Variants in NEBL observed in about 807,000 individuals in gnomAD.
The protein encoded by NEBL is LIM and SH3 protein 2.
In NEBL, 122 loss-of-function variants were observed where a neutral mutation model predicts 140.2. That is an observed-to-expected ratio of 0.87 (90% CI 0.75 to 1.01). The LOEUF is 1.01. Among genes scored for constraint, NEBL ranks in the 50% least tolerant of loss-of-function variants. The pLI is 0.00. For missense variants in NEBL, 1,365 were observed against 1,231.3 expected (o/e 1.11, Z -1.62); for synonymous variants, 436 against 398.9 (o/e 1.09, Z -1.11).
intron 2 of NEBL, among the ~76,000 whole-genome samples, chr10:21,035,416 G>A (rs945553202): frequency 8.6e-5 from 13 of 151,562 alleles, no homozygotes; most frequent in Admixed American, 2.0e-4. Flanking sequence ...CAACTACTGT[G>A]ACCCCGACTA....
intron 2 of NEBL, among the ~76,000 whole-genome samples, chr10:20,893,565 C>CTCT (rs1312889331): frequency 2.6e-5 from 4 of 152,168 alleles, no homozygotes; most frequent in Non-Finnish European, 5.9e-5. Context: ...AGTGAAGCCA[C>CTCT]TTGACCTGAA....
chr10:21,031,890 T>C (rs1217795265), intron 2 of NEBL, among the ~76,000 whole-genome samples: 2 of 152,206 alleles, frequency 1.3e-5, no homozygotes, highest in Non-Finnish European at 2.9e-5. Context: ...TCATTGCACA[T>C]AAAAGATTCT....
chr10:20,811,978 G>C (rs1438233678), intron 24 of NEBL, among the ~76,000 whole-genome samples: 1 of 152,112 alleles, frequency 6.6e-6, no homozygotes. Flanking sequence ...GATTTCTCCT[G>C]ACTATAAGGA....
chr10:21,119,050 T>C (rs1159768612), intron 2 of NEBL, among the ~76,000 whole-genome samples: 3 of 152,190 alleles, frequency 2.0e-5, no homozygotes, highest in African/African-American at 7.2e-5. Flanking sequence ...GAGACTAAGA[T>C]GCCCAACAGC....
At chr10:21,081,093 G>A (rs1836348127) in intron 2 of NEBL, among the ~76,000 whole-genome samples, 1 of 152,088 alleles carries the variant, frequency 6.6e-6, no homozygotes, top group African/African-American at 2.4e-5. Context: ...GACCTCAAGT[G>A]ATCCACCCAC....
chr10:21,231,234 C>T (rs72798586), intron 3 of NEBL, among the ~76,000 whole-genome samples: 6,135 of 152,212 alleles, frequency 0.04, 192 homozygotes, highest in South Asian at 0.14. Flanking sequence ...GACAAGCAAA[C>T]ATGTGCTGTG....
chr10:21,179,323 G>A (rs1280297379), upstream of NEBL, among the ~76,000 whole-genome samples: 1 of 152,148 alleles, frequency 6.6e-6, no homozygotes, highest in Non-Finnish European at 1.5e-5. Context: ...TGGACATTAT[G>A]AGACATCAGT....
chr10:20,890,039 T>C (rs1374462085), intron 2 of NEBL, 90 bp from the exon 3 acceptor site: 2 of 837,398 alleles, frequency 2.4e-6, no homozygotes, highest in Non-Finnish European at 3.9e-6. Flanking sequence ...ATAAAGTCCA[T>C]TTACTGAAGT....
chr10:21,056,040 A>T (rs1012139351), intron 2 of NEBL, among the ~76,000 whole-genome samples: 1 of 152,312 alleles, frequency 6.6e-6, no homozygotes, highest in Non-Finnish European at 1.5e-5. Context: ...CTGCCTTAAC[A>T]TTAGAGTAGA....
intron 3 of NEBL, among the ~76,000 whole-genome samples, chr10:21,224,413 A>G (rs567707594): frequency 6.6e-6 from 1 of 152,268 alleles, no homozygotes; most frequent in Non-Finnish European, 1.5e-5. Flanking sequence ...TTTGATTACT[A>G]TAGCACCATA....
At chr10:21,123,178 T>C (rs908792533) in intron 2 of NEBL, among the ~76,000 whole-genome samples, 1 of 152,186 alleles carries the variant, frequency 6.6e-6, no homozygotes, top group Non-Finnish European at 1.5e-5. Flanking sequence ...AATAAATCCA[T>C]GCAACTCTTA....
intron 4 of NEBL, among the ~76,000 whole-genome samples, chr10:20,913,082 G>C (rs1473871420): frequency 6.6e-6 from 1 of 151,772 alleles, no homozygotes; most frequent in Middle Eastern, 3.2e-3. Flanking sequence ...TTGAACAGAG[G>C]GTGAAATAGG....
chr10:20,885,583 G>T (rs183956818), intron 4 of NEBL, among the ~76,000 whole-genome samples: 2 of 152,288 alleles, frequency 1.3e-5, no homozygotes, highest in Admixed American at 1.3e-4. Flanking sequence ...GTTCTATGTT[G>T]CAGGGATTTG....
intron 1 of NEBL, among the ~76,000 whole-genome samples, chr10:21,277,441 C>G (rs113352938): frequency 0.11 from 16,951 of 152,140 alleles, 1,067 homozygotes; most frequent in South Asian, 0.19. Context: ...AACTCCTGAC[C>G]TCAAGTGATC....
chr10:20,899,972 TCATCACAG>T (rs1250172245), upstream of NEBL, among the ~76,000 whole-genome samples: 5 of 152,212 alleles, frequency 3.3e-5, no homozygotes, highest in Non-Finnish European at 7.3e-5. Flanking sequence ...GCCCTGCACT[TCATCACAG>T]CAAAGTTTTC....
At chr10:20,904,488 G>T (rs1014486716) in intron 4 of NEBL, among the ~76,000 whole-genome samples, 2 of 152,036 alleles carry the variant, frequency 1.3e-5, no homozygotes, top group Non-Finnish European at 2.9e-5. Context: ...TAACATTCAG[G>T]AAAAATAGAA....
At chr10:21,009,420 G>A (rs11817951) in intron 3 of NEBL, among the ~76,000 whole-genome samples, 27,373 of 152,074 alleles carry the variant, frequency 0.18, 3,989 homozygotes, top group East Asian at 0.54. Context: ...AGAAACAGGA[G>A]CTCAGTGTCA....
At chr10:20,994,576 G>A (rs1012301977) in intron 3 of NEBL, among the ~76,000 whole-genome samples, 1 of 152,126 alleles carries the variant, frequency 6.6e-6, no homozygotes, top group Non-Finnish European at 1.5e-5. Flanking sequence ...CAGGCATTAA[G>A]GGCATTGACC....
intron 3 of NEBL, among the ~76,000 whole-genome samples, chr10:21,204,733 G>T (rs1841799092): frequency 6.6e-6 from 1 of 152,150 alleles, no homozygotes; most frequent in South Asian, 2.1e-4. Context: ...CCTGCCTGGG[G>T]TGGGCAGAGC....
Sources: gnomAD v4.1 joint callset for allele counts (sites outside exome capture counted in the v4.1 genomes callset) on GRCh38, gnomAD v4.1.1 for gene constraint, MANE v1.5 for transcripts, NCBI Gene and HGNC (gene_info 2026-07-23, HGNC 2026-07-21) for gene names.